Variants in NTRK2 observed in about 807,000 individuals in gnomAD.
NTRK2 encodes the protein BDNF/NT-3 growth factors receptor.
A neutral mutation model predicts 94.5 loss-of-function variants in NTRK2; 13 were observed. That is an observed-to-expected ratio of 0.14 (90% CI 0.09 to 0.22). The LOEUF (loss-of-function observed/expected upper bound fraction) is 0.22. Among genes scored for constraint, NTRK2 ranks in the 10% least tolerant of loss-of-function variants. The pLI is 1.00. For missense variants in NTRK2, 639 were observed against 1,071.2 expected (o/e 0.60, Z 5.63); for synonymous variants, 372 against 407.4 (o/e 0.91, Z 1.05).
intron 12 of NTRK2, among the ~76,000 whole-genome samples, chr9:84,762,147 T>G (rs1252047544): frequency 6.6e-6 from 1 of 152,200 alleles, no homozygotes; most frequent in Non-Finnish European, 1.5e-5. Context: ...TGTGCAACTG[T>G]GGGTCCGTTA....
chr9:84,976,865 G>A (rs1826926364), intron 17 of NTRK2, among the ~76,000 whole-genome samples: 1 of 152,176 alleles, frequency 6.6e-6, no homozygotes, highest in African/African-American at 2.4e-5. Context: ...AGGAAAATTA[G>A]ATCATCTATA....
At chr9:84,746,534 G>T (rs886648470) in intron 11 of NTRK2, among the ~76,000 whole-genome samples, 2 of 151,562 alleles carry the variant, frequency 1.3e-5, no homozygotes, top group Admixed American at 1.3e-4. Context: ...CATTTTTTTT[G>T]TTGTTATAAT....
intron 10 of NTRK2, among the ~76,000 whole-genome samples, chr9:84,743,216 C>G (rs2063797007): frequency 6.6e-6 from 1 of 152,080 alleles, no homozygotes; most frequent in South Asian, 2.1e-4. Context: ...CAGCAAGCCA[C>G]TGTTTGGGGA....
At position 84,982,624 on chromosome 9, in the gene NTRK2, C is replaced by T. The variant is rs77672694; in HGVS notation, c.2172+27107C>T. 7.9e-3 allele frequency among the ~76,000 whole-genome samples: 1,204 copies of T among 152,274 alleles called. 18 individuals carry two copies. The highest frequency in any genetic ancestry group is 0.028 in the African/African-American group (1,158 of 41,538). The stretch of plus-strand genomic sequence containing the variant: ...TCTTCATTTAGCTTTATTTTAGCCC[C>T]CTCTCACTTCTTACTTACAAACCCA... On this transcript the variant is annotated intron_variant, in intron 17 of 18. Coordinates refer to ENST00000277120, the MANE Select transcript of NTRK2 (RefSeq NM_006180.6).
At position 84,939,067 on chromosome 9, in the gene NTRK2, A is replaced by AAAAAG. The variant is rs1294554787; in HGVS notation, c.1764+4790_1764+4794dup. The stretch of plus-strand genomic sequence containing the variant: ...ACCCCAACTCAAAAAAAAAAAAAAA[A>AAAAAG]AAAAGAAAAGAAAAGAAAAAAAAAG... On this transcript the variant is annotated intron_variant, in intron 15 of 18. Coordinates refer to ENST00000277120, the MANE Select transcript of NTRK2 (RefSeq NM_006180.6). Among the ~76,000 whole-genome samples the AAAAAG allele has an allele frequency of 3.7e-3, 529 of 144,428 alleles. 5 individuals are homozygous for AAAAAG. The highest frequency in any genetic ancestry group is 7.7e-3 in the East Asian group (37 of 4,832). 94.8% of individuals were successfully genotyped at this position (144,428 alleles called of 152,430 possible). A position where few individuals can be genotyped will look rare whatever the true frequency, so the allele number is the denominator to read the frequency against.
At chr9:84,708,114 AT>A (rs1347206812) in intron 5 of NTRK2, among the ~76,000 whole-genome samples, 1 of 152,232 alleles carries the variant, frequency 6.6e-6, no homozygotes, top group Non-Finnish European at 1.5e-5. Flanking sequence ...ATTAAAAAAA[AT>A]AGAAATCTCA....
At chr9:84,814,531 A>T (rs2072174009) in intron 12 of NTRK2, 3 of 1,066,030 alleles carry the variant, frequency 2.8e-6, no homozygotes, top group African/African-American at 1.6e-5. Flanking sequence ...CAGAATTAGA[A>T]CACACACGAC....
chr9:84,828,777 G>A (rs1352506874), intron 12 of NTRK2, among the ~76,000 whole-genome samples: 1 of 152,178 alleles, frequency 6.6e-6, no homozygotes, highest in African/African-American at 2.4e-5. Context: ...CTTGTGTGAT[G>A]TGTGATTCAT....
chr9:84,725,464 G>A (rs959117048), intron 8 of NTRK2, among the ~76,000 whole-genome samples: 3 of 152,080 alleles, frequency 2.0e-5, no homozygotes, highest in Non-Finnish European at 4.4e-5. Flanking sequence ...ATTCATTTGA[G>A]CATGGTGGAA....
intron 14 of NTRK2, among the ~76,000 whole-genome samples, chr9:84,888,457 A>C (rs1474890116): frequency 2.0e-5 from 3 of 151,116 alleles, no homozygotes; most frequent in Non-Finnish European, 4.4e-5. Context: ...AAAAATACAC[A>C]AAAAAATTAG....
In NTRK2 at chr9:85,001,053, C is replaced by T. The variant is rs77128919; in HGVS notation, c.2173-19153C>T. 4.2e-3 allele frequency among the ~76,000 whole-genome samples: 638 copies of T among 152,308 alleles called. 5 individuals carry two copies. Among genetic ancestry groups the T allele is most frequent in the African/African-American group, 0.015 (616 of 41,558 alleles). On this transcript the variant is annotated intron_variant, in intron 17 of 18. Transcript: ENST00000277120. ...CATCTCAGGTAGATTCCAAGACTTT[C>T]AGTTCACTTTTAGTTATGAAACAAT...
chr9:85,010,617 G>C (rs1025646738), intron 17 of NTRK2, among the ~76,000 whole-genome samples: 9 of 152,248 alleles, frequency 5.9e-5, no homozygotes, highest in African/African-American at 2.2e-4. Context: ...GATCCACTTG[G>C]GAAATTCCCT....
chr9:84,948,717 G>A (rs2132891167), intron 16 of NTRK2, 83 bp downstream of exon 16: 1 of 1,197,114 alleles, frequency 8.4e-7, no homozygotes, highest in Non-Finnish European at 1.2e-6. Flanking sequence ...AGGGAACAAG[G>A]GACCCCTGGA....
At chr9:84,725,158 C>T (rs1223697235) in intron 8 of NTRK2, among the ~76,000 whole-genome samples, 1 of 152,152 alleles carries the variant, frequency 6.6e-6, no homozygotes, top group African/African-American at 2.4e-5. Context: ...CATGAACATG[C>T]ATGTGTGTAA....
chr9:84,781,249 C>G (rs1405706099), intron 12 of NTRK2, among the ~76,000 whole-genome samples: 6 of 152,100 alleles, frequency 3.9e-5, no homozygotes, highest in Admixed American at 3.9e-4. Context: ...CAATTCCTGC[C>G]TCTGTAGGAG....
At chr9:84,845,155 G>A (rs2074401879) in intron 12 of NTRK2, among the ~76,000 whole-genome samples, 2 of 152,026 alleles carry the variant, frequency 1.3e-5, no homozygotes, top group Non-Finnish European at 2.9e-5. Context: ...CACATGCATA[G>A]GCATGTTTAT....
intron 14 of NTRK2, among the ~76,000 whole-genome samples, chr9:84,912,769 C>G (rs958695050): frequency 1.3e-5 from 2 of 151,906 alleles, no homozygotes; most frequent in South Asian, 4.2e-4. Context: ...AGGCGCCCAC[C>G]ACCACCCCCG....
Position 84,821,254 on chromosome 9 carries a change from T to C in NTRK2, c.1397-39786T>C, listed in dbSNP as rs1006552778. Among the ~76,000 whole-genome samples the C allele has an allele frequency of 2.0e-5, 3 of 152,152 alleles. 1 individual carries two copies. Among genetic ancestry groups the C allele is most frequent in the Admixed American group, 6.5e-5 (1 of 15,272 alleles). ...AAATTTTCAAATTGGTTGGGCGGAA[T>C]GTACTTAGCTTGCATGTTTATGTGT... is the stretch of plus-strand genomic sequence containing the variant. On this transcript the variant is annotated intron_variant, in intron 12 of 18. Transcript: ENST00000277120.
Position 84,948,597 on chromosome 9 carries a change from G to A in NTRK2, c.1900G>A (p.Glu634Lys), listed in dbSNP as rs2132886083. ...GGGCGACCCCCTCATCATGGTCTTT[G>A]AGTACATGAAGCATGGGGACCTCAA... ...VEGDPLIMVFEYMKHGDLNKF... is the reference protein window; with the variant it reads ...VEGDPLIMVFKYMKHGDLNKF... The change falls in exon 16 of 19, where the codon GAG becomes AAG. Residue 634 changes from glutamate (E) to lysine (K), a missense_variant. By Grantham distance (56) the Glu-to-Lys change is moderately conservative. Transcript: ENST00000277120. The A allele has an allele frequency of 6.2e-7, 1 of 1,614,110 alleles. No homozygotes were observed. Among genetic ancestry groups the A allele is most frequent in the Non-Finnish European group, 8.5e-7 (1 of 1,180,008 alleles).
Sources: gnomAD v4.1 joint callset for allele counts (sites outside exome capture counted in the v4.1 genomes callset) on GRCh38, gnomAD v4.1.1 for gene constraint, MANE v1.5 for transcripts, NCBI Gene and HGNC (gene_info 2026-07-23, HGNC 2026-07-21) for gene names.